PRKCZ: variants seen among roughly 807,000 people sequenced by gnomAD.
PRKCZ encodes protein kinase C zeta.
A neutral mutation model predicts 79.5 loss-of-function variants in PRKCZ; 33 were observed. The ratio of observed to expected loss-of-function variants is 0.41; its 90% confidence interval spans 0.31 to 0.55. The LOEUF (loss-of-function observed/expected upper bound fraction) is 0.55. PRKCZ is among the 20% of genes least tolerant of loss of function. PRKCZ has a pLI of 0.19. For synonymous variants in PRKCZ, 342 were observed against 320.9 expected, an observed-to-expected ratio of 1.07 and a Z score of -0.70; for missense variants, 578 against 813.5, an observed-to-expected ratio of 0.71 and a Z score of 3.52.
chr1:2,066,626 G>A (rs1016509968), intron 4 of PRKCZ, among the ~76,000 whole-genome samples: 2 of 152,204 alleles, frequency 1.3e-5, no homozygotes, highest in African/African-American at 4.8e-5. Context: ...TCGGGCATGA[G>A]CTGCTGCGCC....
chr1:2,115,713 G>A (rs1001721664), intron 4 of PRKCZ, among the ~76,000 whole-genome samples: 2 of 152,160 alleles, frequency 1.3e-5, no homozygotes, highest in Non-Finnish European at 2.9e-5. Context: ...CGGAACTCAG[G>A]AAAACACTTT....
At chr1:2,083,943 G>C (rs866565798) in intron 4 of PRKCZ, among the ~76,000 whole-genome samples, 1 of 152,168 alleles carries the variant, frequency 6.6e-6, no homozygotes, top group Non-Finnish European at 1.5e-5. Context: ...TTTAAAAATC[G>C]TATGTTGGCC....
chr1:2,050,975 G>A, intron 1 of PRKCZ: 1 of 348,076 alleles, frequency 2.9e-6, no homozygotes, highest in Non-Finnish European at 5.2e-6. Flanking sequence ...AGACGTTTTC[G>A]CTGGAAAGTT....
intron 10 of PRKCZ, among the ~76,000 whole-genome samples, chr1:2,158,373 G>A (rs1681528310): frequency 6.6e-6 from 1 of 152,216 alleles, no homozygotes; most frequent in African/African-American, 2.4e-5. Context: ...GTGTGGACGA[G>A]GCTTGTGGTG....
intron 10 of PRKCZ, chr1:2,156,449 G>T: frequency 4.5e-6 from 1 of 222,774 alleles, no homozygotes; most frequent in South Asian, 6.3e-5. Flanking sequence ...GGAATTCTGT[G>T]GCTTTGAATA....
intron 4 of PRKCZ, among the ~76,000 whole-genome samples, chr1:2,070,373 G>A (rs1399138849): frequency 1.3e-5 from 2 of 152,178 alleles, no homozygotes; most frequent in Admixed American, 1.3e-4. Flanking sequence ...TCAGGCCCCA[G>A]GCAGCTGGGA....
chr1:2,157,396 T>C (rs1681278534), intron 10 of PRKCZ, among the ~76,000 whole-genome samples: 1 of 152,056 alleles, frequency 6.6e-6, no homozygotes. Flanking sequence ...GCAGCTCTTA[T>C]TCCAAAGCTT....
At chr1:2,129,040 AC>A (rs1012655873) in intron 4 of PRKCZ, among the ~76,000 whole-genome samples, 1 of 151,906 alleles carries the variant, frequency 6.6e-6, no homozygotes, top group African/African-American at 2.4e-5. Flanking sequence ...TTCGACTGTG[AC>A]TTTTGAGGGG....
chr1:2,074,900 CCTCCCCAGTCAGGCTTG>C (rs1662116153), intron 4 of PRKCZ: 1 of 151,792 alleles, frequency 6.6e-6, no homozygotes, highest in African/African-American at 2.4e-5. Flanking sequence ...CAACAACCAG[CCTCCCCAGTCAGGCTTG>C]TGGGGAGCCG....
chr1:2,053,988 C>G (rs1309795195), intron 1 of PRKCZ, among the ~76,000 whole-genome samples: 12 of 152,144 alleles, frequency 7.9e-5, no homozygotes, highest in Admixed American at 7.9e-4. Context: ...CGTCTGTCCC[C>G]CAGGCCCAGG....
At chr1:2,116,698 G>T (rs1042177816) in intron 4 of PRKCZ, among the ~76,000 whole-genome samples, 1 of 152,102 alleles carries the variant, frequency 6.6e-6, no homozygotes, top group Admixed American at 6.6e-5. Flanking sequence ...ATCACCATTG[G>T]TAACTTGTGT....
At position 2,138,378 on chromosome 1, in the gene PRKCZ, G is replaced by T. The variant is rs16824860; in HGVS notation, c.420+3031G>T. On this transcript the variant is annotated intron_variant, in intron 5 of 17. Coordinates refer to ENST00000378567, the MANE Select transcript of PRKCZ (RefSeq NM_002744.6). ...GAGCCAAAGGGAGAGAGCCAGCGAGGTTCTGAAGAAGGAGGTGAGGAGGGG... is the reference window on the plus strand; with the variant it reads ...GAGCCAAAGGGAGAGAGCCAGCGAGTTTCTGAAGAAGGAGGTGAGGAGGGG... Among the ~76,000 whole-genome samples, 1,200 of 152,270 alleles carry T rather than the reference G, an allele frequency of 7.9e-3. 58 individuals are homozygous for T. Among genetic ancestry groups the T allele is most frequent in the Admixed American group, 0.065 (992 of 15,298 alleles).
intron 3 of PRKCZ, among the ~76,000 whole-genome samples, chr1:2,058,114 G>A (rs376569104): frequency 8.7e-4 from 133 of 152,286 alleles, no homozygotes; most frequent in East Asian, 5.0e-3. Flanking sequence ...TGATCCACCC[G>A]CCTCAGCCTC....
At chr1:2,132,036 C>T (rs1196636627) in intron 4 of PRKCZ, among the ~76,000 whole-genome samples, 1 of 152,236 alleles carries the variant, frequency 6.6e-6, no homozygotes, top group African/African-American at 2.4e-5. Context: ...TGGTCTCGAT[C>T]TCCTGACCTT....
intron 10 of PRKCZ, among the ~76,000 whole-genome samples, chr1:2,166,760 G>A (rs1683408727): frequency 6.6e-6 from 1 of 152,196 alleles, no homozygotes; most frequent in South Asian, 2.1e-4. Flanking sequence ...CCCAGGCTGT[G>A]CTTCCCAGCA....
chr1:2,094,928 T>C lies in PRKCZ; in HGVS notation c.334+35337T>C, dbSNP rs544214090. ...ATAAAAAGCCCTGCCCTGGGTTCCC[T>C]GCTCCATGCCAGTTCTCTCCCTGCC... is the stretch of plus-strand genomic sequence containing the variant. On this transcript the variant is annotated intron_variant, in intron 4 of 17. Coordinates refer to ENST00000378567, the MANE Select transcript of PRKCZ (RefSeq NM_002744.6). This position sits in a 1 kb window ranked among gnomAD's most constrained non-coding sequence, Gnocchi z 7.3. Among the ~76,000 whole-genome samples the C allele has an allele frequency of 6.6e-6, 1 of 152,286 alleles. No individual in the cohort carries two copies. The highest frequency in any genetic ancestry group is 1.9e-4 in the East Asian group (1 of 5,180).
At chr1:2,071,408 GT>G (rs779250105) in intron 4 of PRKCZ, 3 of 406,798 alleles carry the variant, frequency 7.4e-6, no homozygotes, top group East Asian at 1.6e-4. Flanking sequence ...CTGTGGAACA[GT>G]GGGGACGCTG....
intron 4 of PRKCZ, among the ~76,000 whole-genome samples, chr1:2,068,129 C>T (rs1010048924): frequency 1.3e-5 from 2 of 152,246 alleles, no homozygotes; most frequent in Non-Finnish European, 2.9e-5. Flanking sequence ...AAGGCTGGAT[C>T]CAAAGACCTC....
intron 10 of PRKCZ, among the ~76,000 whole-genome samples, chr1:2,160,974 G>A (rs1682157007): frequency 6.6e-6 from 1 of 152,152 alleles, no homozygotes; most frequent in Non-Finnish European, 1.5e-5. Context: ...GGTGGAGGCA[G>A]TAGAGGGAAG....
Sources: allele counts gnomAD v4.1 joint callset (sites outside exome capture counted in the v4.1 genomes callset), GRCh38; gene constraint gnomAD v4.1.1; non-coding constraint Gnocchi (gnomAD v3.1); transcripts MANE v1.5; gene names NCBI Gene and HGNC (gene_info 2026-07-23, HGNC 2026-07-21).